MAP4: variants seen among roughly 807,000 people sequenced by gnomAD.
MAP4 encodes the protein microtubule associated protein 4, also known as microtubule-associated protein 4.
Under a neutral mutation model 170.2 loss-of-function variants are expected in MAP4, and 76 were observed. That is an observed-to-expected ratio of 0.45 (90% CI 0.37 to 0.54). MAP4 has a LOEUF of 0.54. MAP4 is among the 20% of genes least tolerant of loss of function. MAP4 has a pLI of 0.00. For missense variants in MAP4, 2,506 were observed against 2,748.0 expected, an observed-to-expected ratio of 0.91 and a Z score of 1.97; for synonymous variants, 909 against 994.5, an observed-to-expected ratio of 0.91 and a Z score of 1.62.
At chr3:48,069,020 C>T (rs894372247) in intron 1 of MAP4, among the ~76,000 whole-genome samples, 1 of 152,052 alleles carries the variant, frequency 6.6e-6, no homozygotes, top group African/African-American at 2.4e-5. Context: ...TATAAATATC[C>T]GTGGTATTAA....
At chr3:47,969,312 G>C (rs2100077074) in intron 3 of MAP4, among the ~76,000 whole-genome samples, 1 of 152,006 alleles carries the variant, frequency 6.6e-6, no homozygotes, top group African/African-American at 2.4e-5. Context: ...GGAGGCTGAG[G>C]CAAGAGAATC....
rs376210326 is a variant in MAP4 at position 47,869,505 on chromosome 3, TGAGTA to T, written c.6295-183_6295-179del. Among the ~76,000 whole-genome samples, 562 of 152,194 alleles carry T rather than the reference TGAGTA, an allele frequency of 3.7e-3. 2 individuals are homozygous for T. Among genetic ancestry groups the T allele is most frequent in the African/African-American group, 9.6e-3 (399 of 41,508 alleles). On this transcript the variant is annotated intron_variant, in intron 15 of 20. Coordinates refer to ENST00000683076, the MANE Select transcript of MAP4 (RefSeq NM_001385682.1). ...CAGGGTAGACCAAGTCAAAGATCCT[TGAGTA>T]GAGGACCACAAAAGAAGGAGCTGCA...
Position 47,859,098 on chromosome 3 carries a change from C to A in MAP4, c.6502-1586G>T, listed in dbSNP as rs546498233. On this transcript the variant is annotated intron_variant, in intron 17 of 20. Coordinates refer to ENST00000683076, the MANE Select transcript of MAP4 (RefSeq NM_001385682.1). Reference sequence around the variant, plus strand: ...GAGCCGAGATCGTGCCACTGCACTCCAGCCTGGGCAACAGAAAGAGACTCC... The same window carrying A: ...GAGCCGAGATCGTGCCACTGCACTCAAGCCTGGGCAACAGAAAGAGACTCC... 1.9e-4 allele frequency among the ~76,000 whole-genome samples: 29 copies of A among 152,158 alleles called. No individual in the cohort carries two copies. The East Asian group carries it at 5.4e-3, about 28-fold the overall frequency.
chr3:47,907,204 A>T (rs895204860), intron 9 of MAP4, among the ~76,000 whole-genome samples: 3 of 152,194 alleles, frequency 2.0e-5, no homozygotes, highest in African/African-American at 7.2e-5. Context: ...ATCAGTATGT[A>T]TGTATACGTC....
At chr3:47,943,655 A>C (rs2100057926) in intron 3 of MAP4, among the ~76,000 whole-genome samples, 1 of 152,024 alleles carries the variant, frequency 6.6e-6, no homozygotes, top group African/African-American at 2.4e-5. Context: ...TAAAAAAACA[A>C]AAATAAATTA....
chr3:47,864,447 C>T (rs548809702), intron 17 of MAP4, among the ~76,000 whole-genome samples: 8 of 152,006 alleles, frequency 5.3e-5, no homozygotes, highest in East Asian at 3.9e-4. Context: ...GAGGCCGAGG[C>T]GGGCGGATCA....
Position 47,852,627 on chromosome 3 carries a change from C to T in MAP4, c.*307G>A, listed in dbSNP as rs1290057573. Reference sequence around the variant, plus strand: ...CCCAACCCCCTCCCAACCTCCTCCACGGAGCAGTGGCGCAGTGATGGGGCA... The same window carrying T: ...CCCAACCCCCTCCCAACCTCCTCCATGGAGCAGTGGCGCAGTGATGGGGCA... On this transcript the variant is annotated 3_prime_UTR_variant, in exon 21 of 21. Coordinates refer to ENST00000683076, the MANE Select transcript of MAP4 (RefSeq NM_001385682.1). The T allele has an allele frequency of 2.3e-5, 22 of 968,616 alleles. No homozygotes were observed. The highest frequency in any genetic ancestry group is 6.0e-5 in the Admixed American group (2 of 33,484). The allele number at this position is 968,616 out of a possible 1,614,324, so 60.0% of individuals were successfully genotyped here.
At chr3:48,032,998 A>T (rs1425903567) in intron 1 of MAP4, among the ~76,000 whole-genome samples, 3 of 152,230 alleles carry the variant, frequency 2.0e-5, no homozygotes, top group Non-Finnish European at 4.4e-5. Flanking sequence ...GGTGATGTGC[A>T]CATCTAATAT....
At position 47,912,103 on chromosome 3, in the gene MAP4, T is replaced by A; in HGVS notation, c.2318A>T (p.Lys773Met). The A allele has an allele frequency of 2.6e-6, 4 of 1,536,048 alleles. No homozygotes were observed. Among genetic ancestry groups the A allele is most frequent in the Non-Finnish European group, 3.5e-6 (4 of 1,146,908 alleles). ...AGAATATCTCTTTTGCTTTGGTTTC[T>A]TCTTCTTTTTCTTCATCATTATTGG... ...STPIMMKKKK[K>M]KPKQKRYSQP... Residue 773 changes from lysine to methionine, a missense_variant, in exon 9 of 21, where the codon AAG (lysine) becomes ATG (methionine). Around this residue, in one of 3 missense-constraint regions of MAP4, gnomAD observed 2,008 missense variants for 2,206.0 expected, o/e 0.91. Coordinates refer to ENST00000683076, the MANE Select transcript of MAP4 (RefSeq NM_001385682.1).
At chr3:47,983,091 G>A (rs2100086367) in intron 2 of MAP4, among the ~76,000 whole-genome samples, 1 of 152,106 alleles carries the variant, frequency 6.6e-6, no homozygotes, top group Non-Finnish European at 1.5e-5. Context: ...CTTCATTAGA[G>A]ACAGGTTTTC....
At position 47,872,096 on chromosome 3, in the gene MAP4, A is replaced by G. The variant is rs768797688; in HGVS notation, c.5762T>C (p.Ile1921Thr). 16 of 1,606,542 alleles carry G rather than the reference A, an allele frequency of 1.0e-5. No individual in the cohort carries two copies. The African/African-American group carries it at 1.9e-4, about 19-fold the overall frequency. The change falls in exon 13 of 21, where the codon ATT becomes ACT. Residue 1921 changes from isoleucine (I) to threonine (T), a missense_variant. Around this residue, in one of 3 missense-constraint regions of MAP4, gnomAD observed 487 missense variants for 511.6 expected, o/e 0.95. Transcript: ENST00000683076. ...CTTCTCAGGAGCCTTTGCATCTGCA[A>G]TGGGCTGGAAATAGGAAAGTGGGAA... The part of the protein sequence containing the change: ...LPSKDVKPKP[I>T]ADAKAPEKRA...
intron 1 of MAP4, among the ~76,000 whole-genome samples, chr3:48,065,852 C>A (rs949034643): frequency 6.6e-6 from 1 of 152,106 alleles, no homozygotes; most frequent in African/African-American, 2.4e-5. Context: ...GACAGGGTGG[C>A]TCACACCTGT....
chr3:48,036,036 C>T (rs1252065764), intron 1 of MAP4, among the ~76,000 whole-genome samples: 2 of 152,140 alleles, frequency 1.3e-5, no homozygotes, highest in African/African-American at 2.4e-5. Context: ...TGTTGAACAA[C>T]TCTAGGACAT....
At chr3:47,928,497 T>C (rs765784114) in intron 3 of MAP4, 147 bp from the exon 4 acceptor site, 13 of 748,042 alleles carry the variant, frequency 1.7e-5, no homozygotes, top group Non-Finnish European at 2.3e-5. Context: ...TTCTTTTAAT[T>C]GAAAGATAAA....
chr3:47,962,646 A>G (rs1559617799), intron 3 of MAP4, among the ~76,000 whole-genome samples: 1 of 152,206 alleles, frequency 6.6e-6, no homozygotes, highest in Non-Finnish European at 1.5e-5. Context: ...TTGGCCATTA[A>G]AAACAGCATA....
At chr3:47,868,232 A>C (rs1288859114) in intron 16 of MAP4, among the ~76,000 whole-genome samples, 1 of 152,204 alleles carries the variant, frequency 6.6e-6, no homozygotes, top group African/African-American at 2.4e-5. Flanking sequence ...CTTCTCAAGA[A>C]GGAATAGTTG....
chr3:47,950,666 G>A (rs965152905), intron 3 of MAP4, among the ~76,000 whole-genome samples: 6 of 152,112 alleles, frequency 3.9e-5, no homozygotes, highest in African/African-American at 1.4e-4. Context: ...TTTAAGGTCT[G>A]GCGCTTGAAA....
chr3:48,062,746 A>G (rs1423331310), intron 1 of MAP4, among the ~76,000 whole-genome samples: 3 of 151,654 alleles, frequency 2.0e-5, no homozygotes, highest in African/African-American at 7.2e-5. Flanking sequence ...AACATGAAGA[A>G]ACCCCATCTC....
intron 3 of MAP4, among the ~76,000 whole-genome samples, chr3:47,929,881 C>A (rs1262355365): frequency 1.3e-5 from 2 of 152,150 alleles, no homozygotes; most frequent in African/African-American, 4.8e-5. Flanking sequence ...GTAATCCCTG[C>A]ACTTTGGGAG....
Sources: allele counts gnomAD v4.1 joint callset (sites outside exome capture counted in the v4.1 genomes callset), GRCh38; gene constraint gnomAD v4.1.1; regional missense constraint gnomAD v4.1.1; transcripts MANE v1.5; gene names NCBI Gene and HGNC (gene_info 2026-07-23, HGNC 2026-07-21).